Variants in DYSF observed in about 807,000 individuals in gnomAD.
DYSF encodes the protein dysferlin.
DYSF carries 212 observed loss-of-function variants against 274.9 expected under a neutral mutation model. The ratio of observed to expected loss-of-function variants is 0.77; its 90% CI spans 0.69 to 0.86. The LOEUF is 0.86. Among genes scored for constraint, DYSF ranks in the 40% least tolerant of loss-of-function variants. The pLI is 0.00. For missense variants in DYSF, 2,666 were observed against 2,783.2 expected, an observed-to-expected ratio of 0.96 and a Z score of 0.95; for synonymous variants, 1,091 against 1,078.7, an observed-to-expected ratio of 1.01 and a Z score of -0.22.
At chr2:71,598,973 G>A (rs369760076) in intron 33 of DYSF, among the ~76,000 whole-genome samples, 3 of 152,374 alleles carry the variant, frequency 2.0e-5, no homozygotes, top group African/African-American at 4.8e-5. Context: ...CGGAAAAGGC[G>A]CTTGGTTGTG....
intron 42 of DYSF, among the ~76,000 whole-genome samples, chr2:71,651,781 C>A (rs1351354668): frequency 6.6e-6 from 1 of 152,048 alleles, no homozygotes; most frequent in Non-Finnish European, 1.5e-5. Context: ...TGAAACCTAA[C>A]TAATATTAAA....
chr2:71,593,367 G>T (rs1462067147), intron 32 of DYSF, among the ~76,000 whole-genome samples: 1 of 152,110 alleles, frequency 6.6e-6, no homozygotes, highest in Admixed American at 6.5e-5. Flanking sequence ...CTGACCTCAG[G>T]CGATTCACCC....
chr2:71,657,139 G>C (rs2094790402), intron 43 of DYSF, among the ~76,000 whole-genome samples: 1 of 152,170 alleles, frequency 6.6e-6, no homozygotes, highest in Non-Finnish European at 1.5e-5. Flanking sequence ...GGTAAATACA[G>C]CCATTCCAAA....
At chr2:71,660,401 T>C (rs1401307018) in intron 44 of DYSF, among the ~76,000 whole-genome samples, 159 bp from the exon 45 acceptor site, 5 of 152,100 alleles carry the variant, frequency 3.3e-5, no homozygotes, top group Non-Finnish European at 5.9e-5. Flanking sequence ...AGTGGAGTGG[T>C]GTGGTGTGTG....
chr2:71,478,428 G>A (rs997393329), intron 1 of DYSF, among the ~76,000 whole-genome samples: 1 of 151,834 alleles, frequency 6.6e-6, no homozygotes, highest in Non-Finnish European at 1.5e-5. Context: ...AGCCAGGATG[G>A]TCTCAATCTC....
chr2:71,561,831 C>T lies in DYSF; in HGVS notation c.2296C>T (p.Leu766=). The T allele has an allele frequency of 6.2e-7, 1 of 1,614,206 alleles. No individual in the cohort carries two copies. Among genetic ancestry groups the T allele is most frequent in the Non-Finnish European group, 8.5e-7 (1 of 1,180,030 alleles). ...CCTGTACCAGCTGCGCACCCATCACCTGAGCCAAATCACTGAGGCTGCCCT... is the reference window on the plus strand; with the variant it reads ...CCTGTACCAGCTGCGCACCCATCACTTGAGCCAAATCACTGAGGCTGCCCT... The part of the protein sequence containing the change: ...QYLYQLRTHH[L]SQITEAALAL... Residue 766 remains leucine, a synonymous_variant, in exon 23 of 56, where the codon CTG becomes TTG. Coordinates refer to ENST00000410020, the MANE Select transcript of DYSF (RefSeq NM_001130987.2).
chr2:71,553,887 A>G lies in DYSF; in HGVS notation c.2065A>G (p.Arg689Gly), dbSNP rs1287662205. ...LSSYWEDISH[R>G]IETQNQLLGI... is the part of the protein sequence containing the mutation. ...ATCCTACTGGGAGGACATCAGCCAT[A>G]GAATCGAGACTCAGAACCAGCTGCT... is the stretch of plus-strand genomic sequence containing the variant. The change falls in exon 21 of 56, where the codon AGA becomes GGA. Residue 689 changes from arginine to glycine, a missense_variant. Coordinates refer to ENST00000410020, the MANE Select transcript of DYSF (RefSeq NM_001130987.2). 6.2e-7 allele frequency: 1 copy of G among 1,614,162 alleles called. No individual in the cohort carries two copies. The highest frequency in any genetic ancestry group is 8.5e-7 in the Non-Finnish European group (1 of 1,180,034).
intron 9 of DYSF, 73 bp from the exon 10 acceptor site, chr2:71,516,916 G>C (rs2086714762): frequency 2.2e-6 from 3 of 1,344,632 alleles, no homozygotes; most frequent in South Asian, 2.3e-5. Flanking sequence ...GTTTGGGAGG[G>C]AAGAGCTATT....
intron 40 of DYSF, among the ~76,000 whole-genome samples, chr2:71,618,138 G>C (rs2093958010): frequency 6.7e-6 from 1 of 148,208 alleles, no homozygotes; most frequent in African/African-American, 2.5e-5. Context: ...GAGGTGGCGT[G>C]TGTGGTAGAG....
At chr2:71,596,443 A>G (rs1306700493) in intron 32 of DYSF, among the ~76,000 whole-genome samples, 1 of 152,172 alleles carries the variant, frequency 6.6e-6, no homozygotes, top group Non-Finnish European at 1.5e-5. Flanking sequence ...TGGCTCTCTA[A>G]TATGGTTTTA....
At chr2:71,554,111 A>G (rs1007983977) in intron 21 of DYSF, among the ~76,000 whole-genome samples, 180 bp downstream of exon 21, 1 of 152,184 alleles carries the variant, frequency 6.6e-6, no homozygotes, top group African/African-American at 2.4e-5. Flanking sequence ...CCTGTCCTGC[A>G]TGCTTGGAAG....
chr2:71,610,118 C>T (rs963497572), intron 36 of DYSF, among the ~76,000 whole-genome samples: 2 of 152,190 alleles, frequency 1.3e-5, no homozygotes, highest in Non-Finnish European at 2.9e-5. Flanking sequence ...TTTATTATAA[C>T]AATTTCCCAA....
In DYSF at chr2:71,551,591, C is replaced by A. The variant is rs1289432981; in HGVS notation, c.1693-16C>A. On this transcript the variant is annotated splice_polypyrimidine_tract_variant and intron_variant, in intron 18 of 55. Coordinates refer to ENST00000410020, the MANE Select transcript of DYSF (RefSeq NM_001130987.2). ...CTCTGTCTCCCCTGCTCCTTGTGAC[C>A]TGACCTCCCTGGCAGGGGGAAGGTG... is the stretch of plus-strand genomic sequence containing the variant. 6.3e-7 allele frequency: 1 copy of A among 1,593,744 alleles called. No individual in the cohort carries two copies. Among genetic ancestry groups the A allele is most frequent in the Non-Finnish European group, 8.5e-7 (1 of 1,171,500 alleles).
chr2:71,656,696 T>A (rs1247090596), intron 43 of DYSF, among the ~76,000 whole-genome samples: 1 of 152,084 alleles, frequency 6.6e-6, no homozygotes, highest in Non-Finnish European at 1.5e-5. Flanking sequence ...AGTTCTTATA[T>A]GGTGGCAGCA....
chr2:71,617,558 G>A lies in DYSF; in HGVS notation c.4465-2989G>A, dbSNP rs139075018. 5.8e-3 allele frequency among the ~76,000 whole-genome samples: 879 copies of A among 152,112 alleles called. 6 individuals carry two copies. Among genetic ancestry groups the A allele is most frequent in the Non-Finnish European group, 9.4e-3 (637 of 67,986 alleles). ...CAAAGGGGTACGTGTGTGTATGTAT[G>A]AGTGTATGTGGTAGAGGTGGTGTGT... On this transcript the variant is annotated intron_variant, in intron 40 of 55. Coordinates refer to ENST00000410020, the MANE Select transcript of DYSF (RefSeq NM_001130987.2).
At position 71,513,303 on chromosome 2, in the gene DYSF, A is replaced by G; in HGVS notation, c.524A>G (p.Tyr175Cys). The G allele has an allele frequency of 6.4e-7, 1 of 1,551,404 alleles. No individual in the cohort carries two copies. ...LLSDSTMDTR[Y>C]SGKKWPAPTD... The stretch of plus-strand genomic sequence containing the variant: ...AGTGACAGCACCATGGACACGAGAT[A>G]CTCTGGAAAGAAGTGGCCGGCCCCC... The change falls in exon 6 of 56, where the codon TAC becomes TGC. Residue 175 changes from tyrosine to cysteine, a missense_variant. By Grantham distance (194) the Tyr-to-Cys change is radical (BLOSUM62 -2). Coordinates refer to ENST00000410020, the MANE Select transcript of DYSF (RefSeq NM_001130987.2).
intron 14 of DYSF, among the ~76,000 whole-genome samples, chr2:71,529,682 T>G (rs964538001): frequency 3.9e-4 from 60 of 152,232 alleles, no homozygotes; most frequent in African/African-American, 1.4e-3. Context: ...GTGGGTGATA[T>G]CTTGGCACTG....
intron 1 of DYSF, chr2:71,454,132 G>A (rs1558905529): frequency 4.4e-6 from 7 of 1,575,154 alleles, no homozygotes; most frequent in Non-Finnish European, 5.2e-6. Context: ...GTGGGGTAGA[G>A]GAGGGGACGC....
At chr2:71,634,309 A>T (rs1010071140) in intron 41 of DYSF, among the ~76,000 whole-genome samples, 1 of 152,240 alleles carries the variant, frequency 6.6e-6, no homozygotes, top group Admixed American at 6.5e-5. Flanking sequence ...GAGGTAAAAA[A>T]CACATTTGGA....
Sources: allele counts gnomAD v4.1 joint callset (sites outside exome capture counted in the v4.1 genomes callset), GRCh38; gene constraint gnomAD v4.1.1; transcripts MANE v1.5; gene names NCBI Gene and HGNC (gene_info 2026-07-23, HGNC 2026-07-21).